CDKAL1: variants seen among roughly 807,000 people sequenced by gnomAD.
CDKAL1 encodes CDKAL1 threonylcarbamoyladenosine tRNA methylthiotransferase, also known as threonylcarbamoyladenosine tRNA methylthiotransferase.
Under a neutral mutation model 68.2 loss-of-function variants are expected in CDKAL1, and 32 were observed. The observed-to-expected ratio is 0.47, with a 90% CI of 0.35 to 0.63. CDKAL1 has a LOEUF of 0.63. Among genes scored for constraint, CDKAL1 ranks in the 30% least tolerant of loss-of-function variants. The probability of loss-of-function intolerance (pLI) is 0.00; values close to 1 mark genes in which losing one functional copy is unlikely to be tolerated. For missense variants in CDKAL1, 606 were observed against 696.7 expected (o/e 0.87, Z 1.47); for synonymous variants, 234 against 244.3 (o/e 0.96, Z 0.39).
chr6:21,191,995 T>TC (rs1778264580), intron 13 of CDKAL1, among the ~76,000 whole-genome samples: 3 of 38,984 alleles, frequency 7.7e-5, no homozygotes, highest in Non-Finnish European at 1.6e-4. Context: ...CATTTTTCTT[T>TC]TTTTTTTTTT....
chr6:21,040,133 A>C (rs887691720), intron 11 of CDKAL1, among the ~76,000 whole-genome samples: 2 of 152,180 alleles, frequency 1.3e-5, no homozygotes, highest in Admixed American at 1.3e-4. Context: ...GAATTTATGC[A>C]TGTGGATAGA....
chr6:21,225,520 A>C (rs1168817005), intron 15 of CDKAL1, among the ~76,000 whole-genome samples: 2 of 152,104 alleles, frequency 1.3e-5, no homozygotes, highest in Admixed American at 6.5e-5. Flanking sequence ...AGCAGCCCTT[A>C]TTGTGAACCT....
intron 9 of CDKAL1, among the ~76,000 whole-genome samples, chr6:20,914,222 G>A (rs754245333): frequency 6.6e-5 from 10 of 151,984 alleles, no homozygotes; most frequent in South Asian, 2.1e-4. Flanking sequence ...CCTGGGAGGC[G>A]CAGCTTGCAG....
At chr6:20,683,155 C>G (rs1279519005) in intron 5 of CDKAL1, among the ~76,000 whole-genome samples, 4 of 151,968 alleles carry the variant, frequency 2.6e-5, no homozygotes, top group African/African-American at 9.7e-5. Flanking sequence ...GTGTTAGGTA[C>G]TTTTATATAC....
chr6:20,967,382 ATATTT>A (rs1398471963), intron 10 of CDKAL1, among the ~76,000 whole-genome samples: 4 of 152,162 alleles, frequency 2.6e-5, no homozygotes, highest in Non-Finnish European at 5.9e-5. Context: ...TTTACTATAT[ATATTT>A]TAAGTCATTT....
chr6:20,765,498 C>T (rs1160218896), intron 7 of CDKAL1, among the ~76,000 whole-genome samples: 1 of 152,100 alleles, frequency 6.6e-6, no homozygotes, highest in Non-Finnish European at 1.5e-5. Flanking sequence ...TTTTGCTATC[C>T]TCTTTTCTTT....
intron 5 of CDKAL1, among the ~76,000 whole-genome samples, chr6:20,708,630 T>C (rs1771709097): frequency 6.6e-6 from 1 of 152,234 alleles, no homozygotes; most frequent in Non-Finnish European, 1.5e-5. Flanking sequence ...TTAATTGGTT[T>C]AACATCCCAT....
chr6:20,978,550 G>T (rs180708115), intron 10 of CDKAL1, among the ~76,000 whole-genome samples: 113 of 152,242 alleles, frequency 7.4e-4, no homozygotes, highest in African/African-American at 2.6e-3. Flanking sequence ...ACAGATGTTA[G>T]GTGAGACATA....
intron 15 of CDKAL1, among the ~76,000 whole-genome samples, chr6:21,201,967 A>G (rs1778709493): frequency 6.6e-6 from 1 of 152,150 alleles, no homozygotes; most frequent in Non-Finnish European, 1.5e-5. Context: ...TAAAAAAAAA[A>G]AGCATATAAC....
intron 6 of CDKAL1, among the ~76,000 whole-genome samples, chr6:20,750,951 G>GAAAAAAA (rs59244637): frequency 8.5e-5 from 4 of 47,080 alleles, no homozygotes; most frequent in Non-Finnish European, 1.4e-4. Flanking sequence ...GCAACAGAGT[G>GAAAAAAA]AAAAAAAAAA....
chr6:20,776,418 A>G (rs1035997842), intron 7 of CDKAL1, among the ~76,000 whole-genome samples: 10 of 152,210 alleles, frequency 6.6e-5, no homozygotes, highest in African/African-American at 2.4e-4. Context: ...CAGAACGAAT[A>G]AAGTACTAAA....
intron 5 of CDKAL1, among the ~76,000 whole-genome samples, chr6:20,724,570 A>C (rs116757478): frequency 6.6e-6 from 1 of 151,962 alleles, no homozygotes; most frequent in Non-Finnish European, 1.5e-5. Flanking sequence ...AGAAAAAAAA[A>C]GCTGAGAGTG....
intron 5 of CDKAL1, among the ~76,000 whole-genome samples, chr6:20,715,510 G>A (rs1772048323): frequency 6.6e-6 from 1 of 152,178 alleles, no homozygotes; most frequent in Non-Finnish European, 1.5e-5. Context: ...ATGCTGCAAT[G>A]AACATGGAAG....
intron 10 of CDKAL1, among the ~76,000 whole-genome samples, chr6:20,995,270 TTTG>T (rs999636434): frequency 4.6e-5 from 7 of 152,224 alleles, no homozygotes; most frequent in African/African-American, 1.7e-4. Context: ...ATATTGATAT[TTTG>T]TTCTCCTCCC....
intron 9 of CDKAL1, among the ~76,000 whole-genome samples, 154 bp from the exon 10 acceptor site, chr6:20,955,265 G>T (rs1021561353): frequency 1.3e-5 from 2 of 152,154 alleles, no homozygotes; most frequent in African/African-American, 4.8e-5. Flanking sequence ...TAACCCACTG[G>T]CACCATGGGA....
At chr6:20,558,197 C>G (rs995949121) in intron 4 of CDKAL1, among the ~76,000 whole-genome samples, 1 of 152,112 alleles carries the variant, frequency 6.6e-6, no homozygotes, top group African/African-American at 2.4e-5. Context: ...TAACTCCCAA[C>G]AAAATAAAAG....
chr6:20,646,616 C>A (rs115624897), intron 4 of CDKAL1, among the ~76,000 whole-genome samples: 1 of 152,014 alleles, frequency 6.6e-6, no homozygotes, highest in African/African-American at 2.4e-5. Flanking sequence ...CATTGTCATA[C>A]TTCTTGAGGG....
intron 4 of CDKAL1, among the ~76,000 whole-genome samples, chr6:20,611,842 A>G (rs1419352152): frequency 1.3e-5 from 2 of 152,098 alleles, no homozygotes; most frequent in Non-Finnish European, 2.9e-5. Context: ...ATTAGAACCT[A>G]TTCTTTCTAT....
chr6:20,770,550 A>G (rs1416460334), intron 7 of CDKAL1, among the ~76,000 whole-genome samples: 1 of 152,208 alleles, frequency 6.6e-6, no homozygotes, highest in Non-Finnish European at 1.5e-5. Flanking sequence ...AATCTTTAAC[A>G]GACCATGCCC....
Sources: gnomAD v4.1 joint callset for allele counts (sites outside exome capture counted in the v4.1 genomes callset) on GRCh38, gnomAD v4.1.1 for gene constraint, MANE v1.5 for transcripts, NCBI Gene and HGNC (gene_info 2026-07-23, HGNC 2026-07-21) for gene names.